Variants in SAMMSON observed in about 807,000 individuals in gnomAD.
SAMMSON encodes the protein long intergenic non-protein coding RNA 1212.
At chr3:70,219,552 A>G (rs1701443383) in intron 4 of SAMMSON, among the ~76,000 whole-genome samples, 1 of 152,178 alleles carries the variant, frequency 6.6e-6, no homozygotes, top group Non-Finnish European at 1.5e-5. Context: ...TGTAAAGAAA[A>G]GAGAAATACT....
intron 3 of SAMMSON, among the ~76,000 whole-genome samples, chr3:70,019,601 A>G (rs55966844): frequency 0.39 from 58,854 of 151,862 alleles, 11,819 homozygotes; most frequent in East Asian, 0.61. Flanking sequence ...TAATATTGTT[A>G]TGTGTGAATT....
At chr3:70,046,304 T>C (rs1163797463) in intron 3 of SAMMSON, among the ~76,000 whole-genome samples, 1 of 152,136 alleles carries the variant, frequency 6.6e-6, no homozygotes, top group Admixed American at 6.6e-5. Context: ...AAGTGATTGA[T>C]GCAGATCTTC....
intron 4 of SAMMSON, among the ~76,000 whole-genome samples, chr3:70,188,406 T>C (rs1246865460): frequency 6.6e-6 from 1 of 152,210 alleles, no homozygotes; most frequent in East Asian, 1.9e-4. Flanking sequence ...TAAGTGCTTA[T>C]TAAAATTACC....
intron 4 of SAMMSON, among the ~76,000 whole-genome samples, chr3:70,213,647 G>A (rs557786967): frequency 3.2e-4 from 48 of 152,160 alleles, no homozygotes; most frequent in Admixed American, 1.4e-3. Context: ...GAGAAAAAAA[G>A]TTTTTTTCCT....
In SAMMSON at chr3:70,132,328, C is replaced by T. The variant is rs139137649; in HGVS notation, n.507+60763C>T. ...GAGGGCCTTTTTGTCCTCTGCTTCACATTTGGCTGTATAGGCCCTAATTGT... is the reference window on the plus strand; with the variant it reads ...GAGGGCCTTTTTGTCCTCTGCTTCATATTTGGCTGTATAGGCCCTAATTGT... On this transcript the variant is annotated intron_variant and non_coding_transcript_variant, in intron 4 of 9. Coordinates refer to ENST00000642114, the Ensembl canonical transcript of SAMMSON. 6.1e-3 allele frequency among the ~76,000 whole-genome samples: 932 copies of T among 152,288 alleles called. 5 individuals are homozygous for T. The highest frequency in any genetic ancestry group is 0.02 in the African/African-American group (816 of 41,554).
intron 6 of SAMMSON, among the ~76,000 whole-genome samples, chr3:70,255,571 C>T (rs1701808413): frequency 6.6e-6 from 1 of 152,150 alleles, no homozygotes; most frequent in African/African-American, 2.4e-5. Flanking sequence ...TGCCTCAGTC[C>T]TCCTGCCTCC....
chr3:70,342,908 T>C (rs1262900340), intron 7 of SAMMSON, among the ~76,000 whole-genome samples: 1 of 152,140 alleles, frequency 6.6e-6, no homozygotes, highest in East Asian at 1.9e-4. Context: ...TCCTATATTA[T>C]AGTTGAAGTC....
chr3:70,255,526 A>G (rs1437852056), intron 6 of SAMMSON, among the ~76,000 whole-genome samples: 1 of 151,990 alleles, frequency 6.6e-6, no homozygotes, highest in Non-Finnish European at 1.5e-5. Context: ...GGCTCAAGTG[A>G]TCCTCCTGCC....
rs138660860 is a variant in SAMMSON at position 70,080,776 on chromosome 3, A to G, written n.507+9211A>G. The stretch of plus-strand genomic sequence containing the variant: ...CATCATCTGTATAACTTACTTGAAT[A>G]GATTGACAAATGTGGTAAAATCAAT... On this transcript the variant is annotated intron_variant and non_coding_transcript_variant, in intron 4 of 9. Transcript: ENST00000642114. 2.8e-3 allele frequency among the ~76,000 whole-genome samples: 429 copies of G among 151,958 alleles called. 3 individuals are homozygous for G. Among genetic ancestry groups the G allele is most frequent in the African/African-American group, 9.2e-3 (379 of 41,404 alleles).
intron 2 of SAMMSON, among the ~76,000 whole-genome samples, chr3:70,013,237 G>T (rs2066965870): frequency 6.6e-6 from 1 of 151,926 alleles, no homozygotes; most frequent in Non-Finnish European, 1.5e-5. Context: ...TTATTTTTAG[G>T]TTTGTAGTCT....
intron 9 of SAMMSON, among the ~76,000 whole-genome samples, chr3:70,375,117 A>C (rs1392202994): frequency 6.6e-6 from 1 of 152,170 alleles, no homozygotes; most frequent in African/African-American, 2.4e-5. Context: ...CATCTATGCC[A>C]TATTGCTAAA....
intron 7 of SAMMSON, among the ~76,000 whole-genome samples, chr3:70,296,994 C>G (rs1308822747): frequency 6.6e-6 from 1 of 151,920 alleles, no homozygotes. Flanking sequence ...TGCTCCCCAA[C>G]CGCCTCCCCC....
At chr3:70,399,861 A>C (rs930936911) in intron 2 of SAMMSON, among the ~76,000 whole-genome samples, 1 of 149,824 alleles carries the variant, frequency 6.7e-6, no homozygotes, top group Non-Finnish European at 1.5e-5. Flanking sequence ...ACTCAAAAAA[A>C]AAAAACAAAA....
intron 4 of SAMMSON, among the ~76,000 whole-genome samples, chr3:70,132,790 G>GA (rs10561210): frequency 0.077 from 10,641 of 138,214 alleles, 521 homozygotes; most frequent in Non-Finnish European, 0.12. Flanking sequence ...AAAAAGAAAA[G>GA]AAAAAAAAAA....
At chr3:70,372,337 A>C (rs1159778453) in intron 9 of SAMMSON, among the ~76,000 whole-genome samples, 1 of 151,802 alleles carries the variant, frequency 6.6e-6, no homozygotes, top group African/African-American at 2.4e-5. Context: ...TTTGATACAG[A>C]GTCTTATTCT....
At chr3:70,198,194 T>G (rs1325265470) in intron 4 of SAMMSON, among the ~76,000 whole-genome samples, 1 of 152,178 alleles carries the variant, frequency 6.6e-6, no homozygotes, top group East Asian at 1.9e-4. Flanking sequence ...GAAAGTAACA[T>G]TCTAGCATGA....
intron 6 of SAMMSON, among the ~76,000 whole-genome samples, chr3:70,279,554 C>A (rs1312520773): frequency 6.6e-6 from 1 of 152,174 alleles, no homozygotes; most frequent in Admixed American, 6.5e-5. Context: ...CCATCATCAC[C>A]TTTCCTGGCA....
chr3:70,319,765 A>T (rs1033735536), intron 7 of SAMMSON, among the ~76,000 whole-genome samples: 3 of 152,044 alleles, frequency 2.0e-5, no homozygotes, highest in Admixed American at 6.6e-5. Context: ...ATTAAATTAA[A>T]TTTTTACAAG....
chr3:70,132,803 A>G (rs1017586265), intron 4 of SAMMSON, among the ~76,000 whole-genome samples: 29 of 151,734 alleles, frequency 1.9e-4, no homozygotes, highest in Non-Finnish European at 3.4e-4. Context: ...AAAAAAAACA[A>G]TTTATGAACC....
Sources: allele counts gnomAD v4.1 joint callset (sites outside exome capture counted in the v4.1 genomes callset), GRCh38; gene constraint gnomAD v4.1.1; transcripts MANE v1.5; gene names NCBI Gene and HGNC (gene_info 2026-07-23, HGNC 2026-07-21).